The following CHN1 variants were observed in gnomAD, a reference collection of about 807,000 sequenced individuals.
The protein encoded by CHN1 is chimerin 1, also known as N-chimaerin.
Under a neutral mutation model 59.5 loss-of-function variants are expected in CHN1, and 37 were observed. The ratio of observed to expected loss-of-function variants is 0.62; its 90% CI spans 0.48 to 0.82. CHN1 has a LOEUF of 0.82. CHN1 is among the 40% of genes least tolerant of loss of function. CHN1 has a pLI of 0.00. For missense variants in CHN1, 469 were observed against 571.0 expected (o/e 0.82, Z 1.82); for synonymous variants, 206 against 200.4 (o/e 1.03, Z -0.24).
At chr2:174,872,302 C>T (rs1481472896) in intron 6 of CHN1, among the ~76,000 whole-genome samples, 1 of 152,090 alleles carries the variant, frequency 6.6e-6, no homozygotes, top group African/African-American at 2.4e-5. Context: ...AAGGATCCAA[C>T]ATAACTTCTG....
intron 5 of CHN1, among the ~76,000 whole-genome samples, chr2:174,889,374 A>C (rs1458188805): frequency 1.3e-5 from 2 of 152,214 alleles, no homozygotes; most frequent in African/African-American, 4.8e-5. Context: ...AATCTCCTGA[A>C]ACTAAACCCA....
chr2:174,903,737 C>G (rs1171838615), intron 5 of CHN1, among the ~76,000 whole-genome samples: 1 of 151,976 alleles, frequency 6.6e-6, no homozygotes, highest in African/African-American at 2.4e-5. Context: ...TTTATAAGTA[C>G]AAATAATTAC....
intron 5 of CHN1, among the ~76,000 whole-genome samples, chr2:174,891,742 CAA>C (rs1688059581): frequency 2.6e-5 from 4 of 151,496 alleles, no homozygotes; most frequent in Middle Eastern, 3.4e-3. Flanking sequence ...CAATAAAACT[CAA>C]AGTTAGCAAA....
At chr2:174,852,984 T>C (rs1686786082) in intron 6 of CHN1, among the ~76,000 whole-genome samples, 1 of 152,134 alleles carries the variant, frequency 6.6e-6, no homozygotes, top group African/African-American at 2.4e-5. Flanking sequence ...TCTCAAACTA[T>C]AAAAATCCTA....
chr2:174,906,221 G>A (rs910207403), intron 5 of CHN1, among the ~76,000 whole-genome samples: 2 of 151,956 alleles, frequency 1.3e-5, no homozygotes, highest in Non-Finnish European at 2.9e-5. Flanking sequence ...CCAAAAAGTA[G>A]AAACAACTCA....
At chr2:174,930,141 T>C (rs2105386579) in intron 3 of CHN1, among the ~76,000 whole-genome samples, 1 of 152,324 alleles carries the variant, frequency 6.6e-6, no homozygotes, top group South Asian at 2.1e-4. Context: ...GATATACTTG[T>C]GGCTCTTGTC....
At chr2:174,937,317 G>C (rs1193152317) in intron 3 of CHN1, among the ~76,000 whole-genome samples, 1 of 152,160 alleles carries the variant, frequency 6.6e-6, no homozygotes, top group Non-Finnish European at 1.5e-5. Flanking sequence ...CATAGTTACT[G>C]AATTTGTAAG....
At chr2:174,974,303 T>C (rs977802047) in intron 1 of CHN1, among the ~76,000 whole-genome samples, 2 of 152,214 alleles carry the variant, frequency 1.3e-5, no homozygotes, top group African/African-American at 2.4e-5. Context: ...ACAAGCATTT[T>C]GTTGAAAATA....
At chr2:174,848,371 CTT>C (rs1233425047) in intron 6 of CHN1, among the ~76,000 whole-genome samples, 3 of 148,228 alleles carry the variant, frequency 2.0e-5, no homozygotes, top group African/African-American at 7.3e-5. Context: ...AGGTGAGAGA[CTT>C]AGCACAACTT....
intron 6 of CHN1, among the ~76,000 whole-genome samples, chr2:174,849,078 A>C (rs548102539): frequency 3.1e-4 from 47 of 152,316 alleles, no homozygotes; most frequent in African/African-American, 9.4e-4. Context: ...TTTTTTCTTC[A>C]ACAATATTTG....
At chr2:174,914,832 A>T (rs1688799873) in intron 5 of CHN1, among the ~76,000 whole-genome samples, 1 of 141,406 alleles carries the variant, frequency 7.1e-6, no homozygotes. Flanking sequence ...CAACACAGTG[A>T]GATTCCATTC....
chr2:174,887,326 T>TG (rs1687923161), intron 5 of CHN1, among the ~76,000 whole-genome samples: 1 of 152,192 alleles, frequency 6.6e-6, no homozygotes, highest in South Asian at 2.1e-4. Flanking sequence ...TAACAATAGT[T>TG]ACCACTTGTT....
At chr2:174,998,194 T>A (rs1485058449) in intron 1 of CHN1, among the ~76,000 whole-genome samples, 1 of 148,828 alleles carries the variant, frequency 6.7e-6, no homozygotes, top group African/African-American at 2.5e-5. Context: ...TCCCAGCTAC[T>A]CAGAAGGCTG....
At chr2:174,821,148 T>C (rs1056102504) in intron 8 of CHN1, among the ~76,000 whole-genome samples, 5 of 152,356 alleles carry the variant, frequency 3.3e-5, no homozygotes, top group Non-Finnish European at 5.9e-5. Flanking sequence ...TTATCTTAAA[T>C]TCTGGAGGTC....
At chr2:174,937,415 G>T (rs1338352307) in intron 3 of CHN1, among the ~76,000 whole-genome samples, 1 of 152,186 alleles carries the variant, frequency 6.6e-6, no homozygotes, top group Non-Finnish European at 1.5e-5. Context: ...TCCTATCATT[G>T]TAAGTAAGCA....
At position 174,955,920 on chromosome 2, in the gene CHN1, T is replaced by C. The variant is rs148136709; in HGVS notation, c.20-3718A>G. 2.0e-3 allele frequency among the ~76,000 whole-genome samples: 305 copies of C among 152,240 alleles called. 1 individual carries two copies. Among genetic ancestry groups the C allele is most frequent in the South Asian group, 0.012 (58 of 4,828 alleles). ...AGGTGAGGAGAGGGGTGAGTTAAAC[T>C]ACCTATTAAGCACTATGCTCACTGC... is the stretch of plus-strand genomic sequence containing the variant. On this transcript the variant is annotated intron_variant, in intron 1 of 12. Transcript: ENST00000409900.
intron 8 of CHN1, among the ~76,000 whole-genome samples, chr2:174,822,389 C>A (rs1032994384): frequency 1.3e-5 from 2 of 152,140 alleles, no homozygotes; most frequent in Non-Finnish European, 2.9e-5. Flanking sequence ...CAAAACATTT[C>A]TTTCCAACAT....
chr2:174,847,494 T>A, intron 6 of CHN1: 1 of 1,183,834 alleles, frequency 8.4e-7, no homozygotes, highest in Non-Finnish European at 1.1e-6. Flanking sequence ...TTCTAAAAGC[T>A]TTCTTCTCTA....
intron 12 of CHN1, 34 bp downstream of exon 12, chr2:174,801,673 A>G: frequency 6.8e-7 from 1 of 1,480,808 alleles, no homozygotes; most frequent in African/African-American, 1.4e-5. Context: ...ATTTGGATGC[A>G]ATACAAGTGT....
Sources: gnomAD v4.1 joint callset for allele counts (sites outside exome capture counted in the v4.1 genomes callset) on GRCh38, gnomAD v4.1.1 for gene constraint, MANE v1.5 for transcripts, NCBI Gene and HGNC (gene_info 2026-07-23, HGNC 2026-07-21) for gene names.